The following KLHL3 variants were observed in gnomAD, a reference collection of about 807,000 sequenced individuals.
The protein encoded by KLHL3 is kelch-like protein 3.
In KLHL3, 19 loss-of-function variants were observed where a neutral mutation model predicts 70.5. That is an observed-to-expected ratio of 0.27 (90% confidence interval 0.19 to 0.40). The LOEUF is 0.40. KLHL3 is among the 10% of genes least tolerant of loss of function. The probability of loss-of-function intolerance (pLI) is 1.00; values close to 1 mark genes in which losing one functional copy is unlikely to be tolerated. For missense variants in KLHL3, 512 were observed against 771.1 expected (o/e 0.66, Z 3.98); for synonymous variants, 258 against 290.3 (o/e 0.89, Z 1.13).
chr5:137,667,524 G>A (rs1751642484), intron 6 of KLHL3, among the ~76,000 whole-genome samples: 1 of 152,218 alleles, frequency 6.6e-6, no homozygotes. Flanking sequence ...CACTTCAGAT[G>A]TAAGCACAGG....
chr5:137,693,946 T>C (rs1432376586), intron 4 of KLHL3, among the ~76,000 whole-genome samples: 1 of 152,126 alleles, frequency 6.6e-6, no homozygotes, highest in African/African-American at 2.4e-5. Context: ...TCATCACTTT[T>C]ATGTACTCAG....
intron 2 of KLHL3, among the ~76,000 whole-genome samples, chr5:137,712,660 A>G (rs1752816527): frequency 6.6e-6 from 1 of 152,138 alleles, no homozygotes; most frequent in African/African-American, 2.4e-5. Flanking sequence ...GAGCTATCAC[A>G]CTACTCCATC....
At chr5:137,718,882 G>T (rs1024812411) in intron 2 of KLHL3, among the ~76,000 whole-genome samples, 1 of 152,344 alleles carries the variant, frequency 6.6e-6, no homozygotes, top group African/African-American at 2.4e-5. Context: ...ATTTAACTTG[G>T]TTATTAATGC....
In KLHL3 at chr5:137,621,828, G is replaced by T; in HGVS notation, c.*270C>A. 1 of 546,364 alleles carries T rather than the reference G, an allele frequency of 1.8e-6. No homozygotes were observed. Among genetic ancestry groups the T allele is most frequent in the East Asian group, 3.0e-5 (1 of 33,552 alleles). The allele number at this position is 546,364 out of a possible 1,614,324, so 33.8% of individuals were successfully genotyped here. ...CTCCAGGGTCTGTATTGTCCCTGTA[G>T]AAACACCAAAACAAAGCCCAAAGGT... On this transcript the variant is annotated 3_prime_UTR_variant, in exon 15 of 15. Coordinates refer to ENST00000309755, the MANE Select transcript of KLHL3 (RefSeq NM_017415.3).
chr5:137,673,349 G>A (rs1464739590), intron 6 of KLHL3, among the ~76,000 whole-genome samples: 3 of 152,046 alleles, frequency 2.0e-5, no homozygotes, highest in South Asian at 2.1e-4. Context: ...TGTCTTGTTC[G>A]CTGCCTCCGG....
intron 2 of KLHL3, among the ~76,000 whole-genome samples, chr5:137,716,893 AGG>A (rs1752904034): frequency 6.6e-6 from 1 of 152,194 alleles, no homozygotes; most frequent in Non-Finnish European, 1.5e-5. Flanking sequence ...TTACCAAGAG[AGG>A]GGGTCTAACC....
In KLHL3 at chr5:137,620,482, C is replaced by T. The variant is rs1393970228; in HGVS notation, c.*1616G>A. ...TCCAACATCAGGATTTATAAAGTTC[C>T]TTGGCTTCCTGTAGGTGGATTCTCA... On this transcript the variant is annotated 3_prime_UTR_variant, in exon 15 of 15. Coordinates refer to ENST00000309755, the MANE Select transcript of KLHL3 (RefSeq NM_017415.3). 1 of 152,198 alleles carries T rather than the reference C, an allele frequency of 6.6e-6. No individual in the cohort carries two copies. The highest frequency in any genetic ancestry group is 1.5e-5 in the Non-Finnish European group (1 of 68,048). The allele number at this position is 152,198 out of a possible 1,614,324, so 9.4% of individuals were successfully genotyped here.
chr5:137,721,190 T>G (rs566440042), intron 1 of KLHL3: 1 of 152,426 alleles, frequency 6.6e-6, no homozygotes, highest in Non-Finnish European at 1.5e-5. Context: ...ACGAGTCAGG[T>G]AAAGAGAAAG....
intron 8 of KLHL3, among the ~76,000 whole-genome samples, chr5:137,649,744 G>T (rs1294601764): frequency 1.3e-5 from 2 of 152,238 alleles, no homozygotes; most frequent in African/African-American, 4.8e-5. Flanking sequence ...AATCCTATGA[G>T]ATAACAAATA....
chr5:137,657,085 T>TC (rs542289141), intron 8 of KLHL3, among the ~76,000 whole-genome samples: 138 of 152,258 alleles, frequency 9.1e-4, no homozygotes, highest in Non-Finnish European at 1.5e-3. Flanking sequence ...TTCCCCATGA[T>TC]CCAAGGTCAA....
chr5:137,652,160 T>C (rs1053182802), intron 8 of KLHL3, among the ~76,000 whole-genome samples: 2 of 152,150 alleles, frequency 1.3e-5, no homozygotes, highest in Admixed American at 6.5e-5. Flanking sequence ...AGATTTTTTA[T>C]ATAGAGCACA....
At chr5:137,659,609 A>G (rs571347802) in intron 7 of KLHL3, among the ~76,000 whole-genome samples, 5 of 152,226 alleles carry the variant, frequency 3.3e-5, no homozygotes, top group Non-Finnish European at 5.9e-5. Context: ...AGGATGCCTG[A>G]AAAAGCTTGG....
At chr5:137,716,588 A>G (rs776069540) in intron 2 of KLHL3, among the ~76,000 whole-genome samples, 1 of 152,194 alleles carries the variant, frequency 6.6e-6, no homozygotes, top group African/African-American at 2.4e-5. Flanking sequence ...ATGAATATTT[A>G]TGAAAGGAGA....
intron 6 of KLHL3, among the ~76,000 whole-genome samples, chr5:137,669,158 C>A (rs528654861): frequency 6.6e-6 from 1 of 152,238 alleles, no homozygotes; most frequent in East Asian, 1.9e-4. Flanking sequence ...GAGAAGACAG[C>A]AATTAGAACC....
intron 2 of KLHL3, among the ~76,000 whole-genome samples, chr5:137,714,616 G>T (rs1752859559): frequency 6.6e-6 from 1 of 152,210 alleles, no homozygotes; most frequent in African/African-American, 2.4e-5. Flanking sequence ...GCCTAGGGCT[G>T]ATGGGGAGTG....
In KLHL3 at chr5:137,661,926, A is replaced by T. The variant is rs1561595665; in HGVS notation, c.742T>A (p.Tyr248Asn). The T allele has an allele frequency of 6.3e-7, 1 of 1,586,990 alleles. No individual in the cohort carries two copies. The highest frequency in any genetic ancestry group is 1.7e-5 in the Admixed American group (1 of 59,958). ...HVRLPLLPRD[Y>N]LVQTVEEEAL... ...CATACAACACTCACTTGGACTAGGTAGTCCCTAGGTAAGAGAGGAAGTCGG... is the reference window on the plus strand; with the variant it reads ...CATACAACACTCACTTGGACTAGGTTGTCCCTAGGTAAGAGAGGAAGTCGG... Residue 248 changes from tyrosine to asparagine, a missense_variant, in exon 7 of 15, where the codon TAC becomes AAC. Coordinates refer to ENST00000309755, the MANE Select transcript of KLHL3 (RefSeq NM_017415.3).
At chr5:137,623,082 A>G (rs922829338) in intron 14 of KLHL3, among the ~76,000 whole-genome samples, 3 of 152,256 alleles carry the variant, frequency 2.0e-5, no homozygotes, top group African/African-American at 4.8e-5. Context: ...AGAATAGAAA[A>G]GAGAAGAGAA....
At chr5:137,665,612 G>A (rs1165297160) in intron 6 of KLHL3, among the ~76,000 whole-genome samples, 1 of 152,070 alleles carries the variant, frequency 6.6e-6, no homozygotes, top group African/African-American at 2.4e-5. Context: ...AATAAGCAGT[G>A]TAAGAGAGAA....
intron 8 of KLHL3, among the ~76,000 whole-genome samples, chr5:137,642,510 G>A (rs1372432503): frequency 6.6e-6 from 1 of 152,176 alleles, no homozygotes; most frequent in African/African-American, 2.4e-5. Context: ...GCCCTGCCCA[G>A]GCAGAAAACG....
Sources: gnomAD v4.1 joint callset for allele counts (sites outside exome capture counted in the v4.1 genomes callset) on GRCh38, gnomAD v4.1.1 for gene constraint, MANE v1.5 for transcripts, NCBI Gene and HGNC (gene_info 2026-07-23, HGNC 2026-07-21) for gene names.